The following EPHB1 variants were observed in gnomAD, a reference collection of about 807,000 sequenced individuals.
EPHB1 encodes ephrin type-B receptor 1.
A neutral mutation model predicts 94.4 loss-of-function variants in EPHB1; 30 were observed. That is an observed-to-expected ratio of 0.32 (90% CI 0.24 to 0.43). The LOEUF is 0.43. Ranked by LOEUF, EPHB1 falls within the 20% of genes least tolerant of loss-of-function variation. The pLI is 1.00. For synonymous variants in EPHB1, 522 were observed against 489.1 expected (o/e 1.07, Z -0.89); for missense variants, 1,055 against 1,308.3 (o/e 0.81, Z 2.99).
chr3:134,974,646 CTT>C (rs1934111619), intron 3 of EPHB1, among the ~76,000 whole-genome samples: 1 of 151,486 alleles, frequency 6.6e-6, no homozygotes, highest in South Asian at 2.1e-4. Context: ...AACTCTACCT[CTT>C]GTGTGAAGAG....
At chr3:135,093,301 C>T (rs1310260523) in intron 3 of EPHB1, among the ~76,000 whole-genome samples, 1 of 152,202 alleles carries the variant, frequency 6.6e-6, no homozygotes, top group Non-Finnish European at 1.5e-5. Context: ...TCCCAGGCCA[C>T]TCCCCGCACT....
intron 3 of EPHB1, among the ~76,000 whole-genome samples, chr3:135,021,545 A>C (rs572064846): frequency 1.0e-3 from 150 of 150,492 alleles, no homozygotes; most frequent in African/African-American, 3.5e-3. Flanking sequence ...CTCTTTTCTA[A>C]TTATAAGATA....
intron 15 of EPHB1, 80 bp downstream of exon 15, chr3:135,249,571 C>T (rs1932979359): frequency 6.7e-7 from 1 of 1,502,034 alleles, no homozygotes; most frequent in African/African-American, 1.4e-5. Flanking sequence ...GGTGTGAGTC[C>T]TATTTCTGGC....
At chr3:135,161,654 G>A (rs969657541) in intron 6 of EPHB1, among the ~76,000 whole-genome samples, 3 of 152,186 alleles carry the variant, frequency 2.0e-5, no homozygotes, top group Non-Finnish European at 4.4e-5. Flanking sequence ...TGAGTCTGCT[G>A]AGGTCAGAGA....
chr3:135,075,472 T>G (rs1203807013), intron 3 of EPHB1, among the ~76,000 whole-genome samples: 1 of 152,160 alleles, frequency 6.6e-6, no homozygotes, highest in Non-Finnish European at 1.5e-5. Context: ...AGCACCCAGG[T>G]AGAAGGCCTT....
chr3:134,879,778 T>G (rs2037691052), intron 1 of EPHB1, among the ~76,000 whole-genome samples: 2 of 152,058 alleles, frequency 1.3e-5, no homozygotes. Context: ...CAGAAAGGTT[T>G]ATATCAAAAC....
chr3:135,226,859 C>A (rs141261686), intron 12 of EPHB1, among the ~76,000 whole-genome samples: 3 of 152,142 alleles, frequency 2.0e-5, no homozygotes, highest in Admixed American at 6.5e-5. Flanking sequence ...GAAATCATGT[C>A]CTTTGCAGCA....
chr3:134,925,372 A>G (rs1282943189), intron 1 of EPHB1, among the ~76,000 whole-genome samples: 1 of 152,248 alleles, frequency 6.6e-6, no homozygotes, highest in Non-Finnish European at 1.5e-5. Flanking sequence ...GAGAAGCTGC[A>G]TAATGGGGAG....
At chr3:135,006,864 A>G (rs1321221988) in intron 3 of EPHB1, among the ~76,000 whole-genome samples, 1 of 152,010 alleles carries the variant, frequency 6.6e-6, no homozygotes, top group African/African-American at 2.4e-5. Context: ...GCTCGAACCC[A>G]TGAAGTATGA....
At chr3:135,060,729 A>G (rs1049665004) in intron 3 of EPHB1, among the ~76,000 whole-genome samples, 1 of 152,232 alleles carries the variant, frequency 6.6e-6, no homozygotes, top group Non-Finnish European at 1.5e-5. Flanking sequence ...CATAATAAAC[A>G]TACCATGGAG....
chr3:134,905,107 G>A (rs1301325677), intron 1 of EPHB1, among the ~76,000 whole-genome samples: 1 of 152,194 alleles, frequency 6.6e-6, no homozygotes, highest in Non-Finnish European at 1.5e-5. Flanking sequence ...CTGTGGGTGA[G>A]GGTCCTGCTT....
intron 12 of EPHB1, among the ~76,000 whole-genome samples, chr3:135,211,993 C>A (rs975931649): frequency 2.2e-4 from 34 of 152,268 alleles, no homozygotes; most frequent in African/African-American, 8.2e-4. Context: ...AAATGTTCCA[C>A]AGGTTCCTGA....
At chr3:134,889,741 G>A (rs1023328358) in intron 1 of EPHB1, among the ~76,000 whole-genome samples, 12 of 150,970 alleles carry the variant, frequency 7.9e-5, no homozygotes, top group East Asian at 2.0e-4. Flanking sequence ...GCACTGGCGC[G>A]ATCTCCGCTT....
At chr3:135,018,004 G>C (rs562166017) in intron 3 of EPHB1, among the ~76,000 whole-genome samples, 2 of 152,128 alleles carry the variant, frequency 1.3e-5, no homozygotes, top group Admixed American at 6.5e-5. Context: ...GGACTGTGAG[G>C]GGGGGCATGA....
chr3:134,798,599 G>A (rs2035876175), intron 1 of EPHB1, among the ~76,000 whole-genome samples: 2 of 152,172 alleles, frequency 1.3e-5, no homozygotes, highest in African/African-American at 2.4e-5. Context: ...AGGCTGTGGT[G>A]GCAAGAATGC....
intron 3 of EPHB1, among the ~76,000 whole-genome samples, chr3:134,968,468 A>G (rs1383427367): frequency 6.6e-6 from 1 of 152,218 alleles, no homozygotes; most frequent in Non-Finnish European, 1.5e-5. Flanking sequence ...GATAGTGGAA[A>G]CCATCCATCT....
chr3:135,147,705 T>C (rs1187456446), intron 5 of EPHB1, among the ~76,000 whole-genome samples: 1 of 152,206 alleles, frequency 6.6e-6, no homozygotes, highest in African/African-American at 2.4e-5. Context: ...ATGGGTCTCC[T>C]TGGGAATTTT....
At chr3:134,833,264 C>A (rs1650430584) in intron 1 of EPHB1, among the ~76,000 whole-genome samples, 1 of 152,186 alleles carries the variant, frequency 6.6e-6, no homozygotes, top group Non-Finnish European at 1.5e-5. Context: ...GCAACACTGA[C>A]CCTGTGACCC....
In EPHB1 at chr3:135,012,393, C is replaced by T. The variant is rs1260160398; in HGVS notation, c.805+60341C>T. Among the ~76,000 whole-genome samples the T allele has an allele frequency of 4.6e-5, 7 of 152,312 alleles. No homozygotes were observed. In the East Asian group the frequency reaches 9.6e-4, roughly 21 times the overall value. ...TAGCACATGGTGGCAGTCAGTGAAG[C>T]GGCCGCTCACTCATGGCTGGCTTGT... On this transcript the variant is annotated intron_variant, in intron 3 of 15. Coordinates refer to ENST00000398015, the MANE Select transcript of EPHB1 (RefSeq NM_004441.5).
Sources: gnomAD v4.1 joint callset for allele counts (sites outside exome capture counted in the v4.1 genomes callset) on GRCh38, gnomAD v4.1.1 for gene constraint, MANE v1.5 for transcripts, NCBI Gene and HGNC (gene_info 2026-07-23, HGNC 2026-07-21) for gene names.